UBR1: variants seen among roughly 807,000 people sequenced by gnomAD.
UBR1 encodes the protein E3 ubiquitin-protein ligase UBR1.
UBR1 carries 102 observed loss-of-function variants against 242.1 expected under a neutral mutation model. That is an observed-to-expected ratio of 0.42 (90% CI 0.36 to 0.50). The LOEUF (loss-of-function observed/expected upper bound fraction) is 0.50. Ranked by LOEUF, UBR1 falls within the 20% of genes least tolerant of loss-of-function variation. UBR1 has a pLI of 0.01. For missense variants in UBR1, 1,772 were observed against 2,101.8 expected (o/e 0.84, Z 3.07); for synonymous variants, 675 against 684.8 (o/e 0.99, Z 0.22).
At chr15:43,031,966 A>T (rs183857978) in intron 20 of UBR1, among the ~76,000 whole-genome samples, 5 of 152,276 alleles carry the variant, frequency 3.3e-5, no homozygotes, top group African/African-American at 1.2e-4. Context: ...TCCAGGAGGC[A>T]GAGGTTGCAG....
intron 46 of UBR1, among the ~76,000 whole-genome samples, chr15:42,945,929 C>T (rs559224922): frequency 6.6e-6 from 1 of 152,240 alleles, no homozygotes; most frequent in Non-Finnish European, 1.5e-5. Context: ...CCTTACGATA[C>T]AAAAAACTGG....
At chr15:43,081,451 C>T (rs2033974321) in intron 3 of UBR1, among the ~76,000 whole-genome samples, 1 of 149,636 alleles carries the variant, frequency 6.7e-6, no homozygotes, top group Non-Finnish European at 1.5e-5. Flanking sequence ...AGAAAAGTTC[C>T]TGTTGTTCCA....
intron 15 of UBR1, 92 bp from the exon 16 acceptor site, chr15:43,038,324 T>C: frequency 7.5e-7 from 1 of 1,326,908 alleles, no homozygotes; most frequent in Admixed American, 1.7e-5. Context: ...TGCGATTTGA[T>C]TTGGCTGGGC....
At chr15:43,098,271 A>G (rs2034184011) in intron 1 of UBR1, among the ~76,000 whole-genome samples, 1 of 152,208 alleles carries the variant, frequency 6.6e-6, no homozygotes, top group South Asian at 2.1e-4. Context: ...CAATTACAAT[A>G]GTAACATCAA....
intron 44 of UBR1, among the ~76,000 whole-genome samples, chr15:42,957,720 A>T (rs1567107724): frequency 1.3e-5 from 2 of 152,070 alleles, no homozygotes; most frequent in African/African-American, 2.4e-5. Flanking sequence ...ATGAAAAATT[A>T]AAAAAATTAG....
At chr15:43,092,696 GGCGCGT>G (rs1411232457) in intron 1 of UBR1, among the ~76,000 whole-genome samples, 2 of 152,088 alleles carry the variant, frequency 1.3e-5, no homozygotes, top group Non-Finnish European at 2.9e-5. Context: ...TGGGACTACG[GGCGCGT>G]GCCACCCCAA....
Position 43,070,923 on chromosome 15 carries a change from A to G in UBR1, c.531T>C (p.Asn177=). 1 of 1,613,098 alleles carries G rather than the reference A, an allele frequency of 6.2e-7. No homozygotes were observed. The highest frequency in any genetic ancestry group is 8.5e-7 in the Non-Finnish European group (1 of 1,179,960). ...CCTCTTCATTCAACGGACAGCGTGAATTCTATAAAAAAGCCGAGAAAAACA... is the reference window on the plus strand; with the variant it reads ...CCTCTTCATTCAACGGACAGCGTGAGTTCTATAAAAAAGCCGAGAAAAACA... ...EPGRAGTIKE[N]SRCPLNEEVI... The change falls in exon 5 of 47, where the codon AAT becomes AAC. Residue 177 remains asparagine, a splice_region_variant and synonymous_variant. Transcript: ENST00000290650.
At position 42,984,133 on chromosome 15, in the gene UBR1, T is replaced by A. The variant is rs1184139497; in HGVS notation, c.4054-140A>T. 4 of 501,454 alleles carry A rather than the reference T, an allele frequency of 8.0e-6. 1 individual carries two copies. The South Asian group carries it at 1.2e-4, about 15-fold the overall frequency. 31.1% of individuals were successfully genotyped at this position (501,454 alleles called of 1,614,324 possible). ...ATTATATACCTTATATCATTGCAAATAAATTACAATATTCTTAATACCTGT... is the reference window on the plus strand; with the variant it reads ...ATTATATACCTTATATCATTGCAAAAAAATTACAATATTCTTAATACCTGT... On this transcript the variant is annotated intron_variant, in intron 36 of 46. Transcript: ENST00000290650.
At chr15:43,013,411 C>A (rs962569431) in intron 29 of UBR1, among the ~76,000 whole-genome samples, 1 of 152,130 alleles carries the variant, frequency 6.6e-6, no homozygotes, top group African/African-American at 2.4e-5. Flanking sequence ...ACTCAGAAAA[C>A]CAGATTTACT....
Position 42,991,740 on chromosome 15 carries a change from T to C in UBR1, c.3758-1620A>G, listed in dbSNP as rs151019978. On this transcript the variant is annotated intron_variant, in intron 33 of 46. Coordinates refer to ENST00000290650, the MANE Select transcript of UBR1 (RefSeq NM_174916.3). ...TGGACACTTTACCTCATCTCCAGTC[T>C]AGTATATGTATTTTTGAAACAACAT... Among the ~76,000 whole-genome samples the C allele has an allele frequency of 2.3e-3, 355 of 152,058 alleles. 1 individual carries two copies. Among genetic ancestry groups the C allele is most frequent in the Middle Eastern group, 0.02 (6 of 294 alleles).
Position 43,045,059 on chromosome 15 carries a change from C to T in UBR1, c.1669-1664G>A, listed in dbSNP as rs142731961. ...AGAAAACAGTGGCTCTGAGATTTCC[C>T]ATATGGATGAATTTAATAGTAATGT... On this transcript the variant is annotated intron_variant, in intron 14 of 46. Coordinates refer to ENST00000290650, the MANE Select transcript of UBR1 (RefSeq NM_174916.3). 3.4e-3 allele frequency among the ~76,000 whole-genome samples: 523 copies of T among 152,172 alleles called. 2 individuals are homozygous for T. Among genetic ancestry groups the T allele is most frequent in the African/African-American group, 0.012 (498 of 41,520 alleles).
At chr15:43,080,177 G>A (rs1397525207) in intron 3 of UBR1, among the ~76,000 whole-genome samples, 4 of 152,166 alleles carry the variant, frequency 2.6e-5, no homozygotes, top group Non-Finnish European at 5.9e-5. Context: ...AAGTGAATAA[G>A]CATGGCTTTG....
At chr15:43,090,757 A>C (rs994272315) in intron 1 of UBR1, among the ~76,000 whole-genome samples, 1 of 152,188 alleles carries the variant, frequency 6.6e-6, no homozygotes, top group Non-Finnish European at 1.5e-5. Flanking sequence ...AAAGAGTACA[A>C]GCCCCTCACA....
intron 35 of UBR1, 191 bp downstream of exon 35, chr15:42,988,628 T>A (rs574857703): frequency 1.4e-6 from 1 of 726,584 alleles, no homozygotes; most frequent in Admixed American, 2.5e-5. Flanking sequence ...GCCACAATCA[T>A]AGTTAAAAAG....
chr15:43,045,797 T>C (rs905019996), intron 14 of UBR1, among the ~76,000 whole-genome samples: 4 of 152,232 alleles, frequency 2.6e-5, no homozygotes, highest in African/African-American at 9.6e-5. Context: ...ATGTCTCGTT[T>C]AGCAGGCAGA....
chr15:43,007,353 T>G, intron 29 of UBR1, 69 bp from the exon 30 acceptor site: 6 of 1,397,414 alleles, frequency 4.3e-6, no homozygotes, highest in Non-Finnish European at 1.0e-6. Flanking sequence ...TTGGTAGATT[T>G]TAAGTAACTA....
chr15:43,104,529 G>A (rs2034273784), intron 1 of UBR1, among the ~76,000 whole-genome samples: 1 of 152,054 alleles, frequency 6.6e-6, no homozygotes, highest in Non-Finnish European at 1.5e-5. Context: ...TGGGGTGGAG[G>A]AAAACGGCAA....
At chr15:42,955,870 A>C (rs1195006469) in intron 44 of UBR1, among the ~76,000 whole-genome samples, 2 of 152,250 alleles carry the variant, frequency 1.3e-5, no homozygotes, top group Non-Finnish European at 2.9e-5. Context: ...ACACATGTTT[A>C]GGCTTATGCT....
rs961818860 is a variant in UBR1 at position 42,945,564 on chromosome 15, C to G, written c.5109-94G>C. ...ATTAGTATGCACTCTTGAGATGTTC[C>G]TGGAGCCGGGAGGACTCACCAGCAC... is the stretch of plus-strand genomic sequence containing the variant. On this transcript the variant is annotated intron_variant, in intron 46 of 46. Transcript: ENST00000290650. 8 of 1,513,486 alleles carry G rather than the reference C, an allele frequency of 5.3e-6. No individual in the cohort carries two copies. In the African/African-American group the frequency reaches 5.5e-5, roughly 10 times the overall value. The allele number at this position is 1,513,486 out of a possible 1,614,324, so 93.8% of individuals were successfully genotyped here.
Sources: allele counts gnomAD v4.1 joint callset (sites outside exome capture counted in the v4.1 genomes callset), GRCh38; gene constraint gnomAD v4.1.1; transcripts MANE v1.5; gene names NCBI Gene and HGNC (gene_info 2026-07-23, HGNC 2026-07-21).